The following ARHGAP10 variants were observed in gnomAD, a reference collection of about 807,000 sequenced individuals.
ARHGAP10 encodes the protein rho GTPase-activating protein 10.
Under a neutral mutation model 108.6 loss-of-function variants are expected in ARHGAP10, and 87 were observed. That is an observed-to-expected ratio of 0.80 (90% CI 0.67 to 0.96). The LOEUF is 0.96. Ranked by LOEUF, ARHGAP10 falls within the 40% of genes least tolerant of loss-of-function variation. The pLI is 0.00. For missense variants in ARHGAP10, 939 were observed against 954.5 expected (o/e 0.98, Z 0.21); for synonymous variants, 347 against 341.1 (o/e 1.02, Z -0.19).
chr4:147,865,194 CAAGG>C (rs1734504983), intron 6 of ARHGAP10: 1 of 362,640 alleles, frequency 2.8e-6, no homozygotes, highest in Non-Finnish European at 5.0e-6. Context: ...TACATGATCT[CAAGG>C]AAGGCAACCA....
intron 20 of ARHGAP10, among the ~76,000 whole-genome samples, chr4:148,062,530 T>A (rs1384013082): frequency 6.6e-6 from 1 of 152,190 alleles, no homozygotes; most frequent in African/African-American, 2.4e-5. Flanking sequence ...ACTCTCCCTC[T>A]GTGCTTAGAG....
intron 1 of ARHGAP10, among the ~76,000 whole-genome samples, chr4:147,748,220 T>A (rs1729013027): frequency 6.6e-6 from 1 of 152,200 alleles, no homozygotes; most frequent in East Asian, 1.9e-4. Flanking sequence ...AAAGGCCTTA[T>A]CAGTCCTGGG....
chr4:147,912,397 T>C (rs1013412912), intron 12 of ARHGAP10, among the ~76,000 whole-genome samples: 1 of 151,044 alleles, frequency 6.6e-6, no homozygotes, highest in Non-Finnish European at 1.5e-5. Context: ...AAAAATTAGC[T>C]GGGCTTGGTG....
At chr4:148,014,484 A>G (rs897407764) in intron 18 of ARHGAP10, among the ~76,000 whole-genome samples, 12 of 152,246 alleles carry the variant, frequency 7.9e-5, no homozygotes, top group African/African-American at 2.9e-4. Context: ...TGGCTTAATC[A>G]GGAGAGGTTC....
At chr4:148,031,167 G>C (rs895059149) in intron 19 of ARHGAP10, among the ~76,000 whole-genome samples, 1 of 152,108 alleles carries the variant, frequency 6.6e-6, no homozygotes, top group Non-Finnish European at 1.5e-5. Flanking sequence ...TTATGGTAAT[G>C]ATTTTTATTT....
chr4:147,759,348 T>G (rs904860281), intron 1 of ARHGAP10, among the ~76,000 whole-genome samples: 1 of 152,224 alleles, frequency 6.6e-6, no homozygotes, highest in Non-Finnish European at 1.5e-5. Context: ...GTCATTGTTG[T>G]CTATGAATAC....
At chr4:147,912,598 TAA>T (rs1736801642) in intron 12 of ARHGAP10, among the ~76,000 whole-genome samples, 1 of 106,302 alleles carries the variant, frequency 9.4e-6, no homozygotes, top group African/African-American at 3.7e-5. Flanking sequence ...TATATATATA[TAA>T]AATTCCTGTG....
At chr4:147,942,836 C>G (rs1477771226) in intron 14 of ARHGAP10, among the ~76,000 whole-genome samples, 1 of 152,246 alleles carries the variant, frequency 6.6e-6, no homozygotes, top group Non-Finnish European at 1.5e-5. Flanking sequence ...CGCTGGATTT[C>G]CAGCAGCCTC....
chr4:147,854,105 A>C (rs548448228), intron 4 of ARHGAP10, among the ~76,000 whole-genome samples: 184 of 152,278 alleles, frequency 1.2e-3, no homozygotes, highest in African/African-American at 4.3e-3. Flanking sequence ...TTTTTGACCC[A>C]AAATGCTGTT....
intron 8 of ARHGAP10, among the ~76,000 whole-genome samples, chr4:147,876,608 AC>A (rs1222965173): frequency 2.0e-5 from 3 of 151,644 alleles, no homozygotes; most frequent in Admixed American, 6.6e-5. Flanking sequence ...AAGGAAAAAA[AC>A]AAAACAAAAC....
chr4:148,062,804 A>G (rs762559881), intron 20 of ARHGAP10, among the ~76,000 whole-genome samples: 1 of 152,138 alleles, frequency 6.6e-6, no homozygotes, highest in Non-Finnish European at 1.5e-5. Context: ...GGTTTTCCTT[A>G]TAATTAGAAA....
chr4:147,912,847 C>T (rs1044466911), intron 12 of ARHGAP10, among the ~76,000 whole-genome samples: 9 of 151,552 alleles, frequency 5.9e-5, no homozygotes, highest in Admixed American at 2.0e-4. Flanking sequence ...GGGGCCTCAC[C>T]ATGTTCCCCA....
Position 147,864,863 on chromosome 4 carries a change from G to A in ARHGAP10, c.504G>A (p.Glu168=). The change falls in exon 6 of 23, where the codon GAG becomes GAA. Residue 168 remains glutamate (E), a synonymous_variant. Coordinates refer to ENST00000336498, the MANE Select transcript of ARHGAP10 (RefSeq NM_024605.4). ...TAACATAGGCAGATATCCAAGTAGA[G>A]CAGAACCGGCAACACTTCTATGAAC... ...SHLQEADIQV[E]QNRQHFYELS... is the part of the protein sequence containing the mutation. 6.2e-7 allele frequency: 1 copy of A among 1,613,874 alleles called. No homozygotes were observed. Among genetic ancestry groups the A allele is most frequent in the Non-Finnish European group, 8.5e-7 (1 of 1,179,918 alleles).
At chr4:148,030,619 A>T (rs1728103718) in intron 19 of ARHGAP10, among the ~76,000 whole-genome samples, 1 of 152,206 alleles carries the variant, frequency 6.6e-6, no homozygotes, top group African/African-American at 2.4e-5. Flanking sequence ...AACAAAGCCA[A>T]CCTGTGGCCA....
At chr4:147,995,480 C>A (rs1417183063) in intron 18 of ARHGAP10, among the ~76,000 whole-genome samples, 1 of 152,180 alleles carries the variant, frequency 6.6e-6, no homozygotes, top group Non-Finnish European at 1.5e-5. Context: ...GAGCTTGCCA[C>A]ATGTTACCGT....
At chr4:148,057,713 C>T (rs948819131) in intron 20 of ARHGAP10, among the ~76,000 whole-genome samples, 1 of 152,216 alleles carries the variant, frequency 6.6e-6, no homozygotes, top group Non-Finnish European at 1.5e-5. Context: ...GTGCTTCCTC[C>T]ACTCTTCCTC....
At chr4:147,908,444 C>G (rs1362868063) in intron 11 of ARHGAP10, among the ~76,000 whole-genome samples, 1 of 152,228 alleles carries the variant, frequency 6.6e-6, no homozygotes, top group Non-Finnish European at 1.5e-5. Context: ...TATATAACCT[C>G]TCTTTTAGAG....
chr4:147,994,869 C>A (rs1202263731), intron 18 of ARHGAP10, among the ~76,000 whole-genome samples: 20 of 152,198 alleles, frequency 1.3e-4, no homozygotes, highest in Admixed American at 1.3e-3. Context: ...TTATTTTCAT[C>A]ATTTAATGAA....
At chr4:148,030,323 TAGC>T (rs925671342) in intron 19 of ARHGAP10, among the ~76,000 whole-genome samples, 1 of 152,218 alleles carries the variant, frequency 6.6e-6, no homozygotes, top group African/African-American at 2.4e-5. Context: ...ACTCTCTTTA[TAGC>T]CCCCTTTGAA....
Sources: gnomAD v4.1 joint callset for allele counts (sites outside exome capture counted in the v4.1 genomes callset) on GRCh38, gnomAD v4.1.1 for gene constraint, MANE v1.5 for transcripts, NCBI Gene and HGNC (gene_info 2026-07-23, HGNC 2026-07-21) for gene names.